Variants in CAP2 observed in about 807,000 individuals in gnomAD.
CAP2 encodes the protein cyclase associated actin cytoskeleton regulatory protein 2.
In CAP2, 24 loss-of-function variants were observed where a neutral mutation model predicts 57.7. The ratio of observed to expected loss-of-function variants is 0.42; its 90% confidence interval spans 0.30 to 0.58. CAP2 has a LOEUF of 0.58. Ranked by LOEUF, CAP2 falls within the 20% of genes least tolerant of loss-of-function variation. The pLI is 0.22. For missense variants in CAP2, 501 were observed against 590.3 expected (o/e 0.85, Z 1.57); for synonymous variants, 194 against 207.2 (o/e 0.94, Z 0.55).
intron 11 of CAP2, among the ~76,000 whole-genome samples, chr6:17,543,980 C>T (rs149656232): frequency 2.6e-3 from 394 of 151,964 alleles, no homozygotes; most frequent in African/African-American, 8.7e-3. Flanking sequence ...CAAAAATTAG[C>T]CGGGTGGGGT....
At chr6:17,455,397 T>C (rs1234564389) in intron 3 of CAP2, among the ~76,000 whole-genome samples, 1 of 152,110 alleles carries the variant, frequency 6.6e-6, no homozygotes, top group East Asian at 1.9e-4. Context: ...GAGGGAAGAA[T>C]CAGGAGAAGA....
At position 17,530,437 on chromosome 6, in the gene CAP2, G is replaced by C. The variant is rs561923431; in HGVS notation, c.637-8832G>C. ...GATTGGAGACCTATAAGTTGTCACT[G>C]CTACCTAGAGATCATTAATGGTAAG... is the stretch of plus-strand genomic sequence containing the variant. On this transcript the variant is annotated intron_variant, in intron 7 of 12. Coordinates refer to ENST00000229922, the MANE Select transcript of CAP2 (RefSeq NM_006366.3). Among the ~76,000 whole-genome samples the C allele has an allele frequency of 2.0e-5, 3 of 152,240 alleles. No individual in the cohort carries two copies. The South Asian group carries it at 6.2e-4, about 32-fold the overall frequency.
chr6:17,416,009 GCCTTCAT>G (rs1170421519), intron 1 of CAP2, among the ~76,000 whole-genome samples: 2 of 151,858 alleles, frequency 1.3e-5, no homozygotes, highest in Non-Finnish European at 2.9e-5. Context: ...AAGAGATTGG[GCCTTCAT>G]CCTTTGCTGT....
chr6:17,501,581 A>G (rs1761822984), intron 4 of CAP2, among the ~76,000 whole-genome samples: 1 of 152,222 alleles, frequency 6.6e-6, no homozygotes, highest in African/African-American at 2.4e-5. Flanking sequence ...GCTCAGTGAT[A>G]CATCTTTGAG....
chr6:17,547,570 G>T (rs890094400), intron 11 of CAP2, among the ~76,000 whole-genome samples: 1 of 152,138 alleles, frequency 6.6e-6, no homozygotes, highest in Non-Finnish European at 1.5e-5. Flanking sequence ...GACCGGGCAC[G>T]GTGGCTCACG....
At chr6:17,473,075 T>C (rs944074627) in intron 4 of CAP2, among the ~76,000 whole-genome samples, 10 of 151,828 alleles carry the variant, frequency 6.6e-5, no homozygotes, top group African/African-American at 2.4e-4. Context: ...CATTAGCTCA[T>C]CTCTCTTTGT....
intron 4 of CAP2, among the ~76,000 whole-genome samples, chr6:17,501,062 A>C (rs964071654): frequency 9.2e-5 from 14 of 152,202 alleles, no homozygotes; most frequent in Admixed American, 9.2e-4. Flanking sequence ...TGTAGTGGTA[A>C]TGCAAATGTC....
intron 3 of CAP2, among the ~76,000 whole-genome samples, chr6:17,438,457 G>A (rs1459977920): frequency 1.8e-4 from 1 of 5,678 alleles, no homozygotes; most frequent in Non-Finnish European, 2.7e-4. Flanking sequence ...TTTTTTTTTT[G>A]AGACGGAATC....
At chr6:17,439,825 A>C (rs1760021834) in intron 3 of CAP2, among the ~76,000 whole-genome samples, 1 of 151,292 alleles carries the variant, frequency 6.6e-6, no homozygotes, top group Non-Finnish European at 1.5e-5. Context: ...AGCTCCAGTC[A>C]CTTGCTTGCT....
chr6:17,542,652 A>G (rs1350330431), intron 9 of CAP2, among the ~76,000 whole-genome samples, 185 bp from the exon 10 acceptor site: 1 of 152,204 alleles, frequency 6.6e-6, no homozygotes, highest in East Asian at 1.9e-4. Flanking sequence ...GCTTCCAAGA[A>G]GTGGTTCCGT....
rs1308416578 is a variant in CAP2 at position 17,557,562 on chromosome 6, C to T, written c.*1120C>T. The T allele has an allele frequency of 1.3e-5, 2 of 152,106 alleles. No homozygotes were observed. The highest frequency in any genetic ancestry group is 4.8e-5 in the African/African-American group (2 of 41,384). The allele number at this position is 152,106 out of a possible 1,614,324, so 9.4% of individuals were successfully genotyped here. ...AATTATAGTATAATGCTTGCAGGCC[C>T]AGTACAAGCATATATATTGTGCCTC... On this transcript the variant is annotated 3_prime_UTR_variant, in exon 13 of 13. Coordinates refer to ENST00000229922, the MANE Select transcript of CAP2 (RefSeq NM_006366.3).
At chr6:17,403,232 GCTGGGA>G (rs2113503703) in intron 1 of CAP2, among the ~76,000 whole-genome samples, 1 of 152,306 alleles carries the variant, frequency 6.6e-6, no homozygotes, top group South Asian at 2.1e-4. Context: ...CTCCTGGCTA[GCTGGGA>G]CTACAGGCGC....
intron 1 of CAP2, among the ~76,000 whole-genome samples, chr6:17,407,413 A>C (rs1759008410): frequency 6.6e-6 from 1 of 151,846 alleles, no homozygotes; most frequent in African/African-American, 2.4e-5. Context: ...CAGGAGCTCA[A>C]GGTTGCAGTG....
chr6:17,506,205 T>TCTAA (rs1761979124), intron 4 of CAP2, among the ~76,000 whole-genome samples: 1 of 152,182 alleles, frequency 6.6e-6, no homozygotes. Flanking sequence ...AGCCAGCTCA[T>TCTAA]CTAATTCTGA....
chr6:17,414,142 G>T (rs1183887162), intron 1 of CAP2, among the ~76,000 whole-genome samples: 2 of 151,896 alleles, frequency 1.3e-5, no homozygotes, highest in East Asian at 3.8e-4. Flanking sequence ...GACTTACAGA[G>T]AAATTAGTCC....
chr6:17,398,187 G>C (rs1758718621), intron 1 of CAP2, among the ~76,000 whole-genome samples: 2 of 152,202 alleles, frequency 1.3e-5, no homozygotes, highest in African/African-American at 4.8e-5. Context: ...CTGGGTTTAG[G>C]ATGAGAGGGA....
chr6:17,531,222 G>A, intron 7 of CAP2: 1 of 777,290 alleles, frequency 1.3e-6, no homozygotes, highest in Non-Finnish European at 2.3e-6. Context: ...CCCCCATGCA[G>A]TGTATGGCTC....
rs573390740 is a variant in CAP2 at position 17,421,589 on chromosome 6, G to A, written c.34G>A (p.Glu12Lys). The A allele has an allele frequency of 5.0e-6, 8 of 1,614,176 alleles. No individual in the cohort carries two copies. Among genetic ancestry groups the A allele is most frequent in the Non-Finnish European group, 6.8e-6 (8 of 1,180,018 alleles). ...ANMQGLVERLERAVSRLESLS... is the reference protein window; with the variant it reads ...ANMQGLVERLKRAVSRLESLS... ...CATGCAGGGACTGGTGGAAAGACTGGAACGAGCTGTCAGCCGCCTGGAGTC... is the reference window on the plus strand; with the variant it reads ...CATGCAGGGACTGGTGGAAAGACTGAAACGAGCTGTCAGCCGCCTGGAGTC... Residue 12 changes from glutamate (E) to lysine (K), a missense_variant, in exon 2 of 13, where the codon GAA becomes AAA. Transcript: ENST00000229922.
At chr6:17,530,672 T>C (rs1011319097) in intron 7 of CAP2, among the ~76,000 whole-genome samples, 1 of 152,178 alleles carries the variant, frequency 6.6e-6, no homozygotes, top group Non-Finnish European at 1.5e-5. Context: ...TTCACAAATA[T>C]GTAAAGACAG....
Sources: gnomAD v4.1 joint callset for allele counts (sites outside exome capture counted in the v4.1 genomes callset) on GRCh38, gnomAD v4.1.1 for gene constraint, MANE v1.5 for transcripts, NCBI Gene and HGNC (gene_info 2026-07-23, HGNC 2026-07-21) for gene names.